The following PSMA6 variants were observed in gnomAD, a reference collection of about 807,000 sequenced individuals.
PSMA6 encodes proteasome 20S subunit alpha 6, also known as proteasome subunit alpha type-6.
For missense variants in PSMA6, 170 were observed against 294.8 expected (o/e 0.58, Z 3.10); for synonymous variants, 88 against 97.7 (o/e 0.90, Z 0.59).
intron 4 of PSMA6, chr14:35,312,603 C>A: frequency 3.1e-6 from 1 of 325,126 alleles, no homozygotes; most frequent in East Asian, 4.6e-5. Context: ...GCTTGGATAA[C>A]AGCAAGGATT....
intron 6 of PSMA6, chr14:35,314,733 A>G (rs1181992186): frequency 5.1e-6 from 1 of 194,250 alleles, no homozygotes; most frequent in Non-Finnish European, 9.9e-6. Flanking sequence ...AAAAATTAGC[A>G]TAAGTGTTTT....
chr14:35,281,094 A>C (rs559924135), intron 1 of PSMA6, among the ~76,000 whole-genome samples: 1 of 152,100 alleles, frequency 6.6e-6, no homozygotes, highest in South Asian at 2.1e-4. Context: ...GACCTTTCCC[A>C]TCTGACTTTG....
chr14:35,283,532 T>G (rs1198757553), intron 1 of PSMA6, among the ~76,000 whole-genome samples: 1 of 150,868 alleles, frequency 6.6e-6, no homozygotes, highest in Non-Finnish European at 1.5e-5. Flanking sequence ...ATAGGTGTAA[T>G]AGGATGTTAG....
chr14:35,289,970 GA>G (rs1419882433), upstream of PSMA6, among the ~76,000 whole-genome samples: 1 of 149,350 alleles, frequency 6.7e-6, no homozygotes, highest in Non-Finnish European at 1.5e-5. Flanking sequence ...AATGAAGGCA[GA>G]GGGGGAGAAG....
chr14:35,294,637 A>C (rs1437387036), intron 1 of PSMA6, among the ~76,000 whole-genome samples: 1 of 152,146 alleles, frequency 6.6e-6, no homozygotes, highest in Non-Finnish European at 1.5e-5. Flanking sequence ...AGAGTGCTTA[A>C]CGTGTGCCTG....
chr14:35,309,567 G>A (rs543581015), intron 3 of PSMA6, among the ~76,000 whole-genome samples: 14 of 152,244 alleles, frequency 9.2e-5, no homozygotes, highest in South Asian at 6.2e-4. Flanking sequence ...CGAGGCAGGC[G>A]GATCACTTGA....
intron 1 of PSMA6, among the ~76,000 whole-genome samples, chr14:35,279,339 A>T (rs758208129): frequency 1.3e-5 from 2 of 152,078 alleles, no homozygotes; most frequent in Non-Finnish European, 2.9e-5. Context: ...GAGCCACTGC[A>T]CTCGGCCTCA....
intron 1 of PSMA6, among the ~76,000 whole-genome samples, chr14:35,297,316 C>T (rs1242412829): frequency 1.3e-5 from 2 of 151,634 alleles, no homozygotes; most frequent in Non-Finnish European, 2.9e-5. Flanking sequence ...CCTGGGTTCA[C>T]GCCGTTCTCC....
upstream of PSMA6, among the ~76,000 whole-genome samples, chr14:35,291,215 T>G (rs556235973): frequency 3.2e-3 from 461 of 144,862 alleles, 3 homozygotes; most frequent in African/African-American, 8.9e-3. Context: ...AGTTAGGCTT[T>G]CTTTCTTTTT....
At chr14:35,313,758 A>G (rs111388219) in intron 5 of PSMA6, 23,148 of 152,240 alleles carry the variant, frequency 0.15, 3,343 homozygotes, top group African/African-American at 0.37. Flanking sequence ...CAGGAGTTTG[A>G]GACCATCCTG....
Position 35,302,926 on chromosome 14 carries a change from T to C in PSMA6, c.77-5068T>C, listed in dbSNP as rs562397524. On this transcript the variant is annotated intron_variant, in intron 1 of 6. Coordinates refer to ENST00000261479, the MANE Select transcript of PSMA6 (RefSeq NM_002791.3). ...TTTGAGAACATTTTCCATCATGTCA[T>C]TGAGCATAGTTATAATGGTTGTTTT... is the stretch of plus-strand genomic sequence containing the variant. 2.0e-5 allele frequency among the ~76,000 whole-genome samples: 3 copies of C among 152,340 alleles called. No homozygotes were observed. The South Asian group carries it at 6.2e-4, about 32-fold the overall frequency.
intron 1 of PSMA6, among the ~76,000 whole-genome samples, chr14:35,306,073 T>C (rs1169516499): frequency 6.7e-6 from 1 of 150,092 alleles, no homozygotes; most frequent in Non-Finnish European, 1.5e-5. Context: ...AGGAAAAAAA[T>C]TGAAAATTAG....
intron 1 of PSMA6, 48 bp downstream of exon 1, chr14:35,292,600 G>C (rs1233772869): frequency 1.9e-6 from 3 of 1,604,454 alleles, no homozygotes; most frequent in African/African-American, 2.7e-5. Flanking sequence ...GCCCTGTCAT[G>C]GTACGTGCCT....
chr14:35,300,987 A>G (rs2051700484), intron 1 of PSMA6, among the ~76,000 whole-genome samples: 1 of 152,224 alleles, frequency 6.6e-6, no homozygotes, highest in Admixed American at 6.5e-5. Flanking sequence ...GACATTTGTA[A>G]TTATAAGTCC....
At chr14:35,313,544 G>A (rs756789496) in intron 5 of PSMA6, 18 of 152,590 alleles carry the variant, frequency 1.2e-4, no homozygotes, top group Non-Finnish European at 1.6e-4. Flanking sequence ...ATGCTTTTAC[G>A]TTTGGTTTGG....
At chr14:35,298,004 T>A (rs1018627720) in intron 1 of PSMA6, among the ~76,000 whole-genome samples, 1 of 152,212 alleles carries the variant, frequency 6.6e-6, no homozygotes, top group African/African-American at 2.4e-5. Flanking sequence ...GGAAGCAATT[T>A]ACTTCCTAAC....
intron 1 of PSMA6, among the ~76,000 whole-genome samples, chr14:35,295,172 T>A (rs2051559310): frequency 6.6e-6 from 1 of 151,982 alleles, no homozygotes; most frequent in Non-Finnish European, 1.5e-5. Flanking sequence ...ACTCTGTCTC[T>A]ACTAAAAATA....
chr14:35,311,938 T>TA (rs908923399), intron 4 of PSMA6, among the ~76,000 whole-genome samples: 10 of 151,476 alleles, frequency 6.6e-5, no homozygotes, highest in South Asian at 2.1e-4. Context: ...ATTTCTATTT[T>TA]AAAAAAAAAG....
upstream of PSMA6, among the ~76,000 whole-genome samples, chr14:35,291,823 CAA>C (rs113987343): frequency 7.8e-3 from 372 of 47,706 alleles, no homozygotes; most frequent in African/African-American, 0.025. Context: ...AACTCTGTCT[CAA>C]AAAAAAAAAA....
Sources: allele counts gnomAD v4.1 joint callset (sites outside exome capture counted in the v4.1 genomes callset), GRCh38; gene constraint gnomAD v4.1.1; transcripts MANE v1.5; gene names NCBI Gene and HGNC (gene_info 2026-07-23, HGNC 2026-07-21).